Variants in PRKN observed in about 807,000 individuals in gnomAD.
The protein encoded by PRKN is E3 ubiquitin-protein ligase parkin.
Under a neutral mutation model 59.5 loss-of-function variants are expected in PRKN, and 56 were observed. The ratio of observed to expected loss-of-function variants is 0.94; its 90% CI spans 0.76 to 1.18. The LOEUF is 1.18. Ranked by LOEUF, PRKN falls within the 50% of genes most tolerant of loss-of-function variation. The probability of loss-of-function intolerance (pLI) is 0.00; values close to 1 mark genes in which losing one functional copy is unlikely to be tolerated. For synonymous variants in PRKN, 250 were observed against 222.1 expected (o/e 1.13, Z -1.12); for missense variants, 657 against 596.4 (o/e 1.10, Z -1.06).
intron 4 of PRKN, among the ~76,000 whole-genome samples, chr6:162,186,723 G>C (rs1352850100): frequency 6.6e-6 from 1 of 152,166 alleles, no homozygotes; most frequent in African/African-American, 2.4e-5. Context: ...GATGGTGAGT[G>C]AGCTTTCACA....
chr6:162,486,032 TTTTG>T (rs1269936746), intron 1 of PRKN, among the ~76,000 whole-genome samples: 1 of 152,212 alleles, frequency 6.6e-6, no homozygotes, highest in South Asian at 2.1e-4. Flanking sequence ...TATTTCAGTC[TTTTG>T]TTTTTCTTAA....
intron 4 of PRKN, among the ~76,000 whole-genome samples, chr6:162,102,473 T>A (rs1034597499): frequency 6.6e-6 from 1 of 152,202 alleles, no homozygotes; most frequent in African/African-American, 2.4e-5. Flanking sequence ...AACAATTACA[T>A]TATTAATCTT....
intron 5 of PRKN, among the ~76,000 whole-genome samples, chr6:161,995,254 T>C (rs1447238084): frequency 2.0e-5 from 3 of 152,032 alleles, no homozygotes; most frequent in Admixed American, 1.3e-4. Flanking sequence ...GACCCTTATC[T>C]CTCACTATAT....
At chr6:162,555,081 G>A (rs1779504451) in intron 1 of PRKN, among the ~76,000 whole-genome samples, 1 of 152,068 alleles carries the variant, frequency 6.6e-6, no homozygotes, top group Admixed American at 6.6e-5. Context: ...CCCATAGGTT[G>A]GTGCACAGGT....
At chr6:162,559,163 A>AAAG (rs1044238988) in intron 1 of PRKN, among the ~76,000 whole-genome samples, 3 of 151,872 alleles carry the variant, frequency 2.0e-5, no homozygotes, top group Non-Finnish European at 4.4e-5. Context: ...AAAAAAAAAA[A>AAAG]AAAAGGCAAT....
intron 2 of PRKN, among the ~76,000 whole-genome samples, chr6:162,422,535 TG>T (rs1186951924): frequency 3.3e-5 from 5 of 152,102 alleles, no homozygotes; most frequent in Admixed American, 3.3e-4. Flanking sequence ...CCAATATTAG[TG>T]GTACTTTTAA....
intron 2 of PRKN, among the ~76,000 whole-genome samples, chr6:162,290,484 T>C (rs1781381461): frequency 1.3e-5 from 2 of 152,288 alleles, no homozygotes; most frequent in African/African-American, 4.8e-5. Context: ...CCTTGTTAGA[T>C]TTTTCAAATA....
At chr6:162,580,996 C>T (rs548548252) in intron 1 of PRKN, among the ~76,000 whole-genome samples, 8 of 152,156 alleles carry the variant, frequency 5.3e-5, no homozygotes, top group Non-Finnish European at 8.8e-5. Flanking sequence ...ATCCCAGGCT[C>T]CTCGGGTACC....
At chr6:161,558,345 T>C (rs1255055001) in intron 8 of PRKN, among the ~76,000 whole-genome samples, 2 of 152,076 alleles carry the variant, frequency 1.3e-5, no homozygotes, top group Non-Finnish European at 2.9e-5. Flanking sequence ...GAGGATCGTT[T>C]GAGACCAGGA....
At chr6:161,968,145 C>G (rs1282377401) in intron 6 of PRKN, among the ~76,000 whole-genome samples, 1 of 151,510 alleles carries the variant, frequency 6.6e-6, no homozygotes, top group African/African-American at 2.4e-5. Flanking sequence ...CTCAGCCTCC[C>G]GAGTAGCTGG....
intron 5 of PRKN, among the ~76,000 whole-genome samples, chr6:161,975,659 C>T (rs1330486012): frequency 6.6e-6 from 1 of 152,052 alleles, no homozygotes; most frequent in African/African-American, 2.4e-5. Flanking sequence ...GCTGAACCCA[C>T]CCTGGGATTT....
chr6:161,418,912 G>A (rs149619925), intron 9 of PRKN, among the ~76,000 whole-genome samples: 3 of 152,276 alleles, frequency 2.0e-5, no homozygotes, highest in Non-Finnish European at 4.4e-5. Flanking sequence ...ACATACAGGC[G>A]GTGGAGTTTT....
intron 2 of PRKN, among the ~76,000 whole-genome samples, chr6:162,429,788 T>C (rs1050629301): frequency 2.6e-5 from 4 of 152,250 alleles, no homozygotes; most frequent in Admixed American, 2.6e-4. Context: ...CAGGAGTGCT[T>C]GCTGTGGAGG....
At chr6:162,707,901 G>A (rs959673463) in intron 1 of PRKN, among the ~76,000 whole-genome samples, 5 of 152,056 alleles carry the variant, frequency 3.3e-5, no homozygotes, top group African/African-American at 1.2e-4. Context: ...TTTTAGTAGA[G>A]ACAGGGCTTC....
At chr6:162,674,443 G>A (rs914507568) in intron 1 of PRKN, among the ~76,000 whole-genome samples, 2 of 152,164 alleles carry the variant, frequency 1.3e-5, no homozygotes, top group Non-Finnish European at 2.9e-5. Context: ...AGAGGAGTCA[G>A]AGTACAACCA....
intron 1 of PRKN, among the ~76,000 whole-genome samples, chr6:162,465,735 T>C (rs1244365552): frequency 1.3e-5 from 2 of 152,210 alleles, no homozygotes; most frequent in Non-Finnish European, 2.9e-5. Context: ...CACAGTGACA[T>C]GGACATTTAG....
At chr6:162,645,533 T>C (rs1169894363) in intron 1 of PRKN, among the ~76,000 whole-genome samples, 1 of 152,188 alleles carries the variant, frequency 6.6e-6, no homozygotes, top group East Asian at 1.9e-4. Context: ...AGGGATTCCT[T>C]AATTATTTCT....
intron 6 of PRKN, among the ~76,000 whole-genome samples, chr6:161,801,578 A>G (rs561520713): frequency 6.6e-6 from 1 of 152,322 alleles, no homozygotes; most frequent in African/African-American, 2.4e-5. Flanking sequence ...GCATCTGTCA[A>G]ACACAGTGGG....
intron 7 of PRKN, among the ~76,000 whole-genome samples, chr6:161,694,231 GTAATAA>G (rs1461363482): frequency 6.6e-6 from 1 of 152,018 alleles, no homozygotes; most frequent in Non-Finnish European, 1.5e-5. Context: ...ATTGTTAATA[GTAATAA>G]TAATAAGAAA....
Sources: gnomAD v4.1 joint callset for allele counts (sites outside exome capture counted in the v4.1 genomes callset) on GRCh38, gnomAD v4.1.1 for gene constraint, MANE v1.5 for transcripts, NCBI Gene and HGNC (gene_info 2026-07-23, HGNC 2026-07-21) for gene names.